AMOTL1: variants seen among roughly 807,000 people sequenced by gnomAD.
The protein encoded by AMOTL1 is angiomotin-like protein 1.
In AMOTL1, 45 loss-of-function variants were observed where a neutral mutation model predicts 102.9. The observed-to-expected ratio is 0.44, with a 90% CI of 0.34 to 0.56. AMOTL1 has a LOEUF of 0.56. AMOTL1 is among the 20% of genes least tolerant of loss of function. The probability of loss-of-function intolerance (pLI) is 0.01; values close to 1 mark genes in which losing one functional copy is unlikely to be tolerated. For synonymous variants in AMOTL1, 481 were observed against 484.7 expected, an observed-to-expected ratio of 0.99 and a Z score of 0.10; for missense variants, 1,114 against 1,225.6, an observed-to-expected ratio of 0.91 and a Z score of 1.36.
In AMOTL1 at chr11:94,871,371, A is replaced by G. The variant is rs1952993113; in HGVS notation, c.*576A>G. On this transcript the variant is annotated 3_prime_UTR_variant, in exon 13 of 13. Coordinates refer to ENST00000433060, the MANE Select transcript of AMOTL1 (RefSeq NM_130847.3). ...ATTACCTGTTTGGTTTGGATTTTCA[A>G]GAGATGATTGGGCTTCTTAGCTTTT... The G allele has an allele frequency of 6.6e-6, 1 of 152,270 alleles. No homozygotes were observed. Among genetic ancestry groups the G allele is most frequent in the African/African-American group, 2.4e-5 (1 of 41,444 alleles). The allele number at this position is 152,270 out of a possible 1,614,324, so 9.4% of individuals were successfully genotyped here. A position where few individuals can be genotyped will look rare whatever the true frequency, so the allele number is the denominator to read the frequency against.
At chr11:94,829,241 G>A (rs1205557752) in intron 4 of AMOTL1, among the ~76,000 whole-genome samples, 1 of 133,832 alleles carries the variant, frequency 7.5e-6, no homozygotes, top group Non-Finnish European at 1.6e-5. Context: ...TTTTTTTGGT[G>A]AGACGGAATC....
At chr11:94,759,856 T>C (rs932167945) in intron 3 of AMOTL1, among the ~76,000 whole-genome samples, 1 of 152,252 alleles carries the variant, frequency 6.6e-6, no homozygotes, top group Non-Finnish European at 1.5e-5. Context: ...TGTTTCCTTA[T>C]TTAGGTTGAA....
At chr11:94,787,955 A>G (rs562238701) in intron 1 of AMOTL1, among the ~76,000 whole-genome samples, 6 of 152,192 alleles carry the variant, frequency 3.9e-5, no homozygotes, top group Non-Finnish European at 1.5e-5. Context: ...GAGATACGCT[A>G]CTTGTCTTGT....
intron 3 of AMOTL1, among the ~76,000 whole-genome samples, chr11:94,744,271 C>G (rs1950563798): frequency 6.6e-6 from 1 of 152,096 alleles, no homozygotes; most frequent in South Asian, 2.1e-4. Flanking sequence ...CAGGGAAGCA[C>G]TATGCTTATG....
chr11:94,805,145 C>G (rs1951546615), intron 3 of AMOTL1, among the ~76,000 whole-genome samples: 1 of 152,240 alleles, frequency 6.6e-6, no homozygotes, highest in Non-Finnish European at 1.5e-5. Flanking sequence ...CAGATTTAAG[C>G]TTTCACTTGG....
At chr11:94,849,923 G>A (rs143350188) in intron 6 of AMOTL1, among the ~76,000 whole-genome samples, 191 bp from the exon 7 acceptor site, 193 of 152,270 alleles carry the variant, frequency 1.3e-3, no homozygotes, top group African/African-American at 3.8e-3. Context: ...TGTATCCACT[G>A]TTGACCGTGG....
At chr11:94,741,576 A>C (rs962175784) in intron 3 of AMOTL1, among the ~76,000 whole-genome samples, 2 of 152,108 alleles carry the variant, frequency 1.3e-5, no homozygotes, top group Admixed American at 1.3e-4. Flanking sequence ...CTGTCATGGT[A>C]AGTGGAGATT....
chr11:94,875,178 T>C lies in AMOTL1; in HGVS notation c.*4383T>C, dbSNP rs1953074338. The C allele has an allele frequency of 6.6e-6, 1 of 152,248 alleles. No homozygotes were observed. The highest frequency in any genetic ancestry group is 1.5e-5 in the Non-Finnish European group (1 of 68,042). The allele number at this position is 152,248 out of a possible 1,614,324, so 9.4% of individuals were successfully genotyped here. On this transcript the variant is annotated 3_prime_UTR_variant, in exon 13 of 13. Transcript: ENST00000433060. ...GTCTTCATTAGATGTGACGATTGTT[T>C]AATGAGTTTGCCTCTGACGTGTGGC... is the stretch of plus-strand genomic sequence containing the variant.
intron 2 of AMOTL1, among the ~76,000 whole-genome samples, chr11:94,796,480 C>T (rs1035057948): frequency 6.6e-6 from 1 of 152,030 alleles, no homozygotes; most frequent in African/African-American, 2.4e-5. Flanking sequence ...CAGAGGAAGA[C>T]AGGTCATAAT....
intron 3 of AMOTL1, among the ~76,000 whole-genome samples, chr11:94,759,574 A>AG (rs1211204550): frequency 3.3e-5 from 5 of 150,374 alleles, no homozygotes; most frequent in Non-Finnish European, 1.5e-5. Context: ...TTAGGTGCAA[A>AG]AAAAAAAAAA....
chr11:94,851,797 A>T (rs181986869), intron 7 of AMOTL1, among the ~76,000 whole-genome samples: 41 of 152,352 alleles, frequency 2.7e-4, no homozygotes, highest in African/African-American at 9.4e-4. Context: ...GTGTTGGCTG[A>T]TGTAATTACT....
At chr11:94,790,361 G>A (rs1951262183) in intron 1 of AMOTL1, among the ~76,000 whole-genome samples, 1 of 152,180 alleles carries the variant, frequency 6.6e-6, no homozygotes, top group South Asian at 2.1e-4. Context: ...TGAAATTTAA[G>A]TACCACAAGT....
At chr11:94,849,484 T>C (rs1952485164) in intron 6 of AMOTL1, among the ~76,000 whole-genome samples, 2 of 152,214 alleles carry the variant, frequency 1.3e-5, no homozygotes, top group African/African-American at 4.8e-5. Context: ...AGAGAGGCAG[T>C]GATCGCCATC....
chr11:94,822,858 G>T (rs908828391), intron 4 of AMOTL1, among the ~76,000 whole-genome samples: 4 of 152,160 alleles, frequency 2.6e-5, no homozygotes, highest in Admixed American at 6.5e-5. Context: ...ATGTTTTAGG[G>T]CAGGACAGCC....
chr11:94,796,029 C>A (rs567418899), intron 2 of AMOTL1, among the ~76,000 whole-genome samples: 1 of 152,102 alleles, frequency 6.6e-6, no homozygotes, highest in South Asian at 2.1e-4. Context: ...ATCTGTCTTT[C>A]CTTGGGTAGT....
rs188097118 is a variant in AMOTL1 at position 94,874,484 on chromosome 11, A to G, written c.*3689A>G. Reference sequence around the variant, plus strand: ...TGGGGTTGCTCTTTGGAACTCATGTATGAGTTTGACTCCACAAGGCTTGGC... The same window carrying G: ...TGGGGTTGCTCTTTGGAACTCATGTGTGAGTTTGACTCCACAAGGCTTGGC... On this transcript the variant is annotated 3_prime_UTR_variant, in exon 13 of 13. Coordinates refer to ENST00000433060, the MANE Select transcript of AMOTL1 (RefSeq NM_130847.3). 2.7e-4 allele frequency: 41 copies of G among 152,350 alleles called. No homozygotes were observed. Among genetic ancestry groups the G allele is most frequent in the African/African-American group, 9.4e-4 (39 of 41,574 alleles). The allele number at this position is 152,350 out of a possible 1,614,324, so 9.4% of individuals were successfully genotyped here.
intron 1 of AMOTL1, among the ~76,000 whole-genome samples, chr11:94,779,901 G>T (rs1951083516): frequency 6.6e-6 from 1 of 152,086 alleles, no homozygotes; most frequent in Non-Finnish European, 1.5e-5. Context: ...GCCATTAAAA[G>T]ACTCACCGTT....
intron 6 of AMOTL1, among the ~76,000 whole-genome samples, chr11:94,842,283 A>G (rs1952319314): frequency 6.6e-6 from 1 of 152,168 alleles, no homozygotes; most frequent in Admixed American, 6.5e-5. Flanking sequence ...CACCGTGAAG[A>G]GAGCTTAGTC....
In AMOTL1 at chr11:94,799,889, G is replaced by A. The variant is rs970676971; in HGVS notation, c.699G>A (p.Arg233=). 6.3e-7 allele frequency: 1 copy of A among 1,599,274 alleles called. No individual in the cohort carries two copies. ...GTSQKSRTEG[R]PTVNRANSGQ... ...GTCAGAAGTCCCGAACTGAGGGGAG[G>A]CCCACTGTGAACCGTGCCAACAGTG... The change falls in exon 3 of 13, where the codon AGG becomes AGA. Residue 233 remains arginine (R), a synonymous_variant. Coordinates refer to ENST00000433060, the MANE Select transcript of AMOTL1 (RefSeq NM_130847.3). The surrounding 1 kb of genome is among the most constrained non-coding windows in gnomAD (Gnocchi z 4.5).
Sources: gnomAD v4.1 joint callset for allele counts (sites outside exome capture counted in the v4.1 genomes callset) on GRCh38, gnomAD v4.1.1 for gene constraint, Gnocchi (gnomAD v3.1) non-coding constraint, MANE v1.5 for transcripts, NCBI Gene and HGNC (gene_info 2026-07-23, HGNC 2026-07-21) for gene names.